Variants in OR1J2 observed in about 807,000 individuals in gnomAD.
The protein encoded by OR1J2 is olfactory receptor 1J2.
For synonymous variants in OR1J2, 142 were observed against 99.7 expected (o/e 1.42, Z -2.52); for missense variants, 304 against 246.1 (o/e 1.24, Z -1.57).
chr9:122,527,064 G>T, the OR1J2 span: 2 of 1,614,218 alleles, frequency 1.2e-6, no homozygotes, highest in Admixed American at 3.3e-5. Context: ...CAGCATCTTG[G>T]TAACTGTGGA....
At chr9:122,485,306 G>C in the OR1J2 span, among the ~76,000 whole-genome samples, 1 of 152,102 alleles carries the variant, frequency 6.6e-6, no homozygotes, top group Admixed American at 6.5e-5. Context: ...CCAGAAACAC[G>C]TGAAAGCTAG....
the OR1J2 span, among the ~76,000 whole-genome samples, chr9:122,491,816 C>G: frequency 1.3e-5 from 2 of 151,858 alleles, no homozygotes; most frequent in African/African-American, 4.8e-5. Context: ...TAAAGACAGG[C>G]AAATTGGTAA....
chr9:122,462,277 T>C, the OR1J2 span, among the ~76,000 whole-genome samples: 8 of 151,122 alleles, frequency 5.3e-5, no homozygotes, highest in Admixed American at 3.3e-4. Flanking sequence ...AATAGCTTTT[T>C]CCATCCCTTG....
the OR1J2 span, chr9:122,567,361 T>C: frequency 1.7e-5 from 8 of 457,526 alleles, no homozygotes; most frequent in South Asian, 6.0e-5. Flanking sequence ...CAGGAAACGA[T>C]TGTGATTTAA....
At chr9:122,466,393 G>A in the OR1J2 span, among the ~76,000 whole-genome samples, 6 of 152,166 alleles carry the variant, frequency 3.9e-5, no homozygotes, top group South Asian at 2.1e-4. Context: ...TATGGATGCC[G>A]AATCTACTCA....
At chr9:122,489,383 T>A in the OR1J2 span, among the ~76,000 whole-genome samples, 1 of 151,978 alleles carries the variant, frequency 6.6e-6, no homozygotes, top group African/African-American at 2.4e-5. Flanking sequence ...CTCACCAGAC[T>A]GTGGAGGATT....
At chr9:122,554,285 A>T in the OR1J2 span, 11 of 594,364 alleles carry the variant, frequency 1.9e-5, no homozygotes, top group Non-Finnish European at 2.8e-5. Context: ...TGAGTTAGGG[A>T]TGTAAAAAAA....
the OR1J2 span, among the ~76,000 whole-genome samples, chr9:122,497,900 G>T: frequency 2.6e-5 from 4 of 152,108 alleles, no homozygotes; most frequent in Non-Finnish European, 4.4e-5. Flanking sequence ...TTATTTCAAA[G>T]AATTTTTTTA....
At chr9:122,498,060 GT>G in the OR1J2 span, among the ~76,000 whole-genome samples, 55,211 of 146,436 alleles carry the variant, frequency 0.38, 10,644 homozygotes, top group African/African-American at 0.46. Flanking sequence ...CATGATTTGG[GT>G]TTTTTTTTTT....
chr9:122,452,543 C>T, the OR1J2 span, among the ~76,000 whole-genome samples: 13 of 152,136 alleles, frequency 8.5e-5, no homozygotes, highest in African/African-American at 1.7e-4. Flanking sequence ...GATTCTTGTC[C>T]GGAGTTATTG....
chr9:122,579,946 CAATTAGG>C, the OR1J2 span, among the ~76,000 whole-genome samples: 1 of 152,044 alleles, frequency 6.6e-6, no homozygotes, highest in East Asian at 1.9e-4. Flanking sequence ...TTCTCTTACC[CAATTAGG>C]AAGGAGGAGA....
At chr9:122,532,985 G>C in the OR1J2 span, among the ~76,000 whole-genome samples, 1 of 152,076 alleles carries the variant, frequency 6.6e-6, no homozygotes, top group Non-Finnish European at 1.5e-5. Flanking sequence ...CTGAAGTAAA[G>C]GGGGCTGTCT....
chr9:122,579,840 T>A, the OR1J2 span, among the ~76,000 whole-genome samples: 2 of 152,190 alleles, frequency 1.3e-5, no homozygotes, highest in Non-Finnish European at 2.9e-5. Context: ...ATTGAGTGCT[T>A]ACAAAGTCAT....
At chr9:122,543,597 T>C in the OR1J2 span, among the ~76,000 whole-genome samples, 1 of 152,232 alleles carries the variant, frequency 6.6e-6, no homozygotes, top group Non-Finnish European at 1.5e-5. Context: ...ATTTGCATTG[T>C]TCTGATGACT....
At chr9:122,473,573 G>C in the OR1J2 span, among the ~76,000 whole-genome samples, 5 of 152,084 alleles carry the variant, frequency 3.3e-5, no homozygotes, top group Non-Finnish European at 7.4e-5. Context: ...TTTGTGGGTG[G>C]GATATGTCAA....
the OR1J2 span, among the ~76,000 whole-genome samples, chr9:122,524,169 C>A: frequency 6.6e-6 from 1 of 152,178 alleles, no homozygotes; most frequent in Non-Finnish European, 1.5e-5. Flanking sequence ...GAAATACTTA[C>A]CATAGTGTTA....
At chr9:122,568,168 A>C in the OR1J2 span, 2 of 1,614,234 alleles carry the variant, frequency 1.2e-6, no homozygotes, top group East Asian at 4.5e-5. Flanking sequence ...GCATAGAGAA[A>C]ATACATCTGT....
the OR1J2 span, among the ~76,000 whole-genome samples, chr9:122,518,166 A>G: frequency 2.0e-5 from 3 of 152,236 alleles, no homozygotes; most frequent in Non-Finnish European, 2.9e-5. Flanking sequence ...CCATGGCTTT[A>G]GAATATTTTA....
the OR1J2 span, among the ~76,000 whole-genome samples, chr9:122,577,297 A>G: frequency 6.6e-6 from 1 of 152,182 alleles, no homozygotes; most frequent in Non-Finnish European, 1.5e-5. Flanking sequence ...AAAGTCTCCA[A>G]ATTGGGTTGA....
Sources: allele counts gnomAD v4.1 joint callset (sites outside exome capture counted in the v4.1 genomes callset), GRCh38; gene constraint gnomAD v4.1.1; transcripts MANE v1.5; gene names NCBI Gene and HGNC (gene_info 2026-07-23, HGNC 2026-07-21).